Variants in WWTR1 observed in about 807,000 individuals in gnomAD.
The protein encoded by WWTR1 is WW domain-containing transcription regulator protein 1.
WWTR1 carries 13 observed loss-of-function variants against 40.1 expected under a neutral mutation model. The observed-to-expected ratio is 0.32, with a 90% CI of 0.21 to 0.52. The LOEUF (loss-of-function observed/expected upper bound fraction) is 0.52. Ranked by LOEUF, WWTR1 falls within the 20% of genes least tolerant of loss-of-function variation. WWTR1 has a pLI of 0.97. For synonymous variants in WWTR1, 230 were observed against 210.1 expected, an observed-to-expected ratio of 1.09 and a Z score of -0.82; for missense variants, 436 against 523.1, an observed-to-expected ratio of 0.83 and a Z score of 1.63.
chr3:149,674,449 T>C (rs1216161399), intron 1 of WWTR1, among the ~76,000 whole-genome samples: 3 of 150,884 alleles, frequency 2.0e-5, no homozygotes, highest in Non-Finnish European at 3.0e-5. Context: ...TAGCCAGGCA[T>C]GGTGGTGCGT....
chr3:149,712,627 T>C (rs1255995230), intron 5 of WWTR1, among the ~76,000 whole-genome samples: 3 of 152,210 alleles, frequency 2.0e-5, no homozygotes, highest in Non-Finnish European at 4.4e-5. Flanking sequence ...CTGCTTATTA[T>C]TGAACCTTAT....
At chr3:149,618,068 A>G (rs1027739202) in intron 2 of WWTR1, among the ~76,000 whole-genome samples, 11 of 152,216 alleles carry the variant, frequency 7.2e-5, no homozygotes, top group African/African-American at 2.7e-4. Flanking sequence ...ATTACTTTTG[A>G]AATAACTTTT....
chr3:149,620,906 C>T (rs571237760), intron 2 of WWTR1, among the ~76,000 whole-genome samples: 5 of 152,338 alleles, frequency 3.3e-5, no homozygotes, highest in South Asian at 2.1e-4. Context: ...TATGACTATT[C>T]TCTTTTCTCA....
chr3:149,640,711 G>A (rs1046702820), intron 2 of WWTR1, among the ~76,000 whole-genome samples: 2 of 151,902 alleles, frequency 1.3e-5, no homozygotes, highest in Admixed American at 6.6e-5. Context: ...ATGAGCCACC[G>A]AGCCCGACCA....
intron 2 of WWTR1, among the ~76,000 whole-genome samples, chr3:149,601,212 A>T (rs543110811): frequency 6.6e-6 from 1 of 152,152 alleles, no homozygotes; most frequent in East Asian, 1.9e-4. Flanking sequence ...TCTTTTTGAG[A>T]CAGAGTCTCA....
At chr3:149,700,266 A>G (rs942674730) in intron 1 of WWTR1, among the ~76,000 whole-genome samples, 5 of 152,178 alleles carry the variant, frequency 3.3e-5, no homozygotes, top group African/African-American at 9.7e-5. Context: ...CAGGAGTTCA[A>G]GACCAGCCTT....
chr3:149,626,697 A>C (rs1740559622), intron 2 of WWTR1, among the ~76,000 whole-genome samples: 2 of 152,122 alleles, frequency 1.3e-5, no homozygotes, highest in Admixed American at 6.6e-5. Flanking sequence ...CGAGGACTAC[A>C]AAAGAGCATC....
chr3:149,522,681 T>G lies in WWTR1; in HGVS notation c.1019-1692A>C, dbSNP rs570093180. Reference sequence around the variant, plus strand: ...GTTAGAATCATTCATTTTTACTAATTTCCCATTTTAACTTTCAGATACTCA... The same window carrying G: ...GTTAGAATCATTCATTTTTACTAATGTCCCATTTTAACTTTCAGATACTCA... On this transcript the variant is annotated intron_variant, in intron 6 of 6. Coordinates refer to ENST00000360632, the MANE Select transcript of WWTR1 (RefSeq NM_015472.6). Among the ~76,000 whole-genome samples, 15 of 152,230 alleles carry G rather than the reference T, an allele frequency of 9.9e-5. No homozygotes were observed. In the East Asian group the frequency reaches 2.9e-3, roughly 29 times the overall value.
chr3:149,709,528 G>C (rs932825463), intron 5 of WWTR1, among the ~76,000 whole-genome samples: 2 of 152,108 alleles, frequency 1.3e-5, no homozygotes, highest in African/African-American at 4.8e-5. Context: ...GTTAAGTAAA[G>C]AATTTTTCTT....
chr3:149,700,689 T>C (rs1189809286), intron 1 of WWTR1, among the ~76,000 whole-genome samples: 1 of 152,134 alleles, frequency 6.6e-6, no homozygotes, highest in Non-Finnish European at 1.5e-5. Context: ...CTAGAAGTAT[T>C]ATGCAAAATT....
intron 3 of WWTR1, among the ~76,000 whole-genome samples, chr3:149,724,535 T>A (rs935364224): frequency 1.3e-5 from 2 of 149,304 alleles, no homozygotes; most frequent in Admixed American, 1.3e-4. Flanking sequence ...TCCTTTCCAA[T>A]GGTTTGAGAA....
At chr3:149,573,431 T>C (rs1737739854) in intron 2 of WWTR1, among the ~76,000 whole-genome samples, 1 of 152,052 alleles carries the variant, frequency 6.6e-6, no homozygotes, top group Non-Finnish European at 1.5e-5. Context: ...AGAATTGACA[T>C]AATGAGGATC....
intron 1 of WWTR1, among the ~76,000 whole-genome samples, chr3:149,683,483 C>T (rs1162638338): frequency 6.6e-6 from 1 of 152,128 alleles, no homozygotes; most frequent in Admixed American, 6.6e-5. Context: ...CACTTGAGGT[C>T]AGGAATTCTA....
chr3:149,652,783 G>T (rs1031833315), intron 2 of WWTR1, among the ~76,000 whole-genome samples: 2 of 151,634 alleles, frequency 1.3e-5, no homozygotes, highest in African/African-American at 4.8e-5. Flanking sequence ...TTCATATCAG[G>T]TGCTAAAAGT....
intron 2 of WWTR1, among the ~76,000 whole-genome samples, chr3:149,594,284 T>C (rs1033239182): frequency 6.6e-6 from 1 of 152,214 alleles, no homozygotes; most frequent in Non-Finnish European, 1.5e-5. Context: ...GAACTTATTC[T>C]GGTTTAGGAG....
chr3:149,526,091 T>C lies in WWTR1; in HGVS notation c.940A>G (p.Ser314Gly). ...CTGTAGCACCCTAACCCCAGGCCAC[T>C]GTCAGTGCTCTGCTCCCTCGAATGA... is the stretch of plus-strand genomic sequence containing the variant. ...PYHSREQSTD[S>G]GLGLGCYSVP... Residue 314 changes from serine to glycine, a missense_variant, in exon 6 of 7, where the codon AGT becomes GGT. Ser to Gly is a moderately conservative substitution (Grantham distance 56, BLOSUM62 0). Transcript: ENST00000360632. The C allele has an allele frequency of 1.2e-6, 2 of 1,611,582 alleles. No individual in the cohort carries two copies. Among genetic ancestry groups the C allele is most frequent in the Non-Finnish European group, 1.7e-6 (2 of 1,178,676 alleles).
At chr3:149,602,632 C>A (rs1739291449) in intron 2 of WWTR1, among the ~76,000 whole-genome samples, 1 of 152,192 alleles carries the variant, frequency 6.6e-6, no homozygotes, top group Non-Finnish European at 1.5e-5. Context: ...TTTACACTGG[C>A]CACACTGACA....
At chr3:149,672,766 T>C (rs1306423207) in intron 1 of WWTR1, among the ~76,000 whole-genome samples, 1 of 150,600 alleles carries the variant, frequency 6.6e-6, no homozygotes. Flanking sequence ...TGGATGGTAA[T>C]GGAAGAAGTT....
In WWTR1 at chr3:149,529,309, G is replaced by A. The variant is rs1315423227; in HGVS notation, c.772-1340C>T. On this transcript the variant is annotated intron_variant, in intron 4 of 6. Transcript: ENST00000360632. ...AGCCCTAACATGATGTGACTTTAGA[G>A]GGTAGCTGCTGTCTAGACAAGTCCT... 2.6e-5 allele frequency among the ~76,000 whole-genome samples: 4 copies of A among 152,152 alleles called. No individual in the cohort carries two copies. The East Asian group carries it at 7.7e-4, about 29-fold the overall frequency.
Sources: gnomAD v4.1 joint callset for allele counts (sites outside exome capture counted in the v4.1 genomes callset) on GRCh38, gnomAD v4.1.1 for gene constraint, MANE v1.5 for transcripts, NCBI Gene and HGNC (gene_info 2026-07-23, HGNC 2026-07-21) for gene names.